The following MAGI2 variants were observed in gnomAD, a reference collection of about 807,000 sequenced individuals.
The protein encoded by MAGI2 is membrane associated guanylate kinase, WW and PDZ domain containing 2.
In MAGI2, 35 loss-of-function variants were observed where a neutral mutation model predicts 133.3. That is an observed-to-expected ratio of 0.26 (90% CI 0.20 to 0.35). The LOEUF (loss-of-function observed/expected upper bound fraction) is 0.35. MAGI2 is among the 10% of genes least tolerant of loss of function. The probability of loss-of-function intolerance (pLI) is 1.00; values close to 1 mark genes in which losing one functional copy is unlikely to be tolerated. For missense variants in MAGI2, 1,636 were observed against 1,863.4 expected (o/e 0.88, Z 2.25); for synonymous variants, 729 against 710.6 (o/e 1.03, Z -0.41).
At chr7:78,849,427 T>C (rs75685903) in intron 2 of MAGI2, among the ~76,000 whole-genome samples, 2,106 of 152,152 alleles carry the variant, frequency 0.014, 55 homozygotes, top group African/African-American at 0.049. Flanking sequence ...TTCACCAGTG[T>C]ACTAAGCAAA....
chr7:78,855,645 T>C (rs947931347), intron 2 of MAGI2, among the ~76,000 whole-genome samples: 8 of 152,326 alleles, frequency 5.3e-5, no homozygotes, highest in African/African-American at 1.7e-4. Context: ...TTCTTAATCC[T>C]GTCTATTACT....
At chr7:78,067,184 A>G (rs1813923095) in intron 21 of MAGI2, among the ~76,000 whole-genome samples, 1 of 152,200 alleles carries the variant, frequency 6.6e-6, no homozygotes, top group South Asian at 2.1e-4. Context: ...AGCCCTGCCA[A>G]GATGCAAGTA....
At chr7:78,456,760 C>T (rs1789363782) in intron 6 of MAGI2, among the ~76,000 whole-genome samples, 2 of 152,138 alleles carry the variant, frequency 1.3e-5, no homozygotes, top group Admixed American at 6.5e-5. Context: ...ATATATTCAA[C>T]CTAGGTTTCA....
intron 1 of MAGI2, among the ~76,000 whole-genome samples, chr7:79,427,413 C>T (rs1847460864): frequency 6.6e-6 from 1 of 151,898 alleles, no homozygotes; most frequent in Non-Finnish European, 1.5e-5. Context: ...AAAAAAGATG[C>T]CATCTATCGA....
intron 1 of MAGI2, among the ~76,000 whole-genome samples, chr7:79,328,222 A>G (rs951596334): frequency 6.6e-6 from 1 of 152,170 alleles, no homozygotes; most frequent in Non-Finnish European, 1.5e-5. Context: ...AAACTTGAAT[A>G]CTGTTTTTCA....
chr7:78,770,170 G>T (rs985956042), intron 2 of MAGI2, among the ~76,000 whole-genome samples: 1 of 152,202 alleles, frequency 6.6e-6, no homozygotes, highest in Non-Finnish European at 1.5e-5. Context: ...TGCACAGCAA[G>T]AAACAAGAGA....
At chr7:78,401,611 T>A (rs76950234) in intron 6 of MAGI2, among the ~76,000 whole-genome samples, 1,691 of 152,252 alleles carry the variant, frequency 0.011, 84 homozygotes, top group East Asian at 0.085. Flanking sequence ...TATTTTTATC[T>A]TTTTAGATTT....
At chr7:79,423,151 A>G (rs1310793665) in intron 1 of MAGI2, among the ~76,000 whole-genome samples, 2 of 152,082 alleles carry the variant, frequency 1.3e-5, no homozygotes, top group Non-Finnish European at 2.9e-5. Flanking sequence ...AAAAGGTAAA[A>G]ATAAATATAC....
chr7:78,242,082 T>C (rs540490981), intron 10 of MAGI2, among the ~76,000 whole-genome samples: 1 of 152,326 alleles, frequency 6.6e-6, no homozygotes, highest in African/African-American at 2.4e-5. Context: ...AACCATTTTT[T>C]AATTCCTGGA....
chr7:79,099,605 T>C (rs1403961815), intron 1 of MAGI2, among the ~76,000 whole-genome samples: 5 of 152,118 alleles, frequency 3.3e-5, no homozygotes, highest in Admixed American at 1.3e-4. Context: ...CAATGGGTAG[T>C]TTTTTCTTCT....
intron 1 of MAGI2, among the ~76,000 whole-genome samples, chr7:79,228,361 A>AAAAAAAAAAAAAAAAAAAAAAAAAAAAG (rs1831054280): frequency 6.8e-6 from 1 of 146,018 alleles, no homozygotes; most frequent in Non-Finnish European, 1.5e-5. Context: ...AGGCAAAAAA[A>AAAAAAAAAAAAAAAAAAAAAAAAAAAAG]AAAAAAAAAG....
At chr7:78,608,655 T>C (rs564711566) in intron 3 of MAGI2, among the ~76,000 whole-genome samples, 1 of 152,256 alleles carries the variant, frequency 6.6e-6, no homozygotes, top group Non-Finnish European at 1.5e-5. Flanking sequence ...GGTATGCCTA[T>C]GTTGATTTAT....
At chr7:78,293,047 C>T (rs1306590306) in intron 9 of MAGI2, among the ~76,000 whole-genome samples, 1 of 152,126 alleles carries the variant, frequency 6.6e-6, no homozygotes. Flanking sequence ...GACTGAAACA[C>T]CAAAAGCAAT....
chr7:79,339,588 C>G (rs28611031), intron 1 of MAGI2, among the ~76,000 whole-genome samples: 9,272 of 151,836 alleles, frequency 0.061, 528 homozygotes, highest in African/African-American at 0.15. Flanking sequence ...TTCTAATCCA[C>G]ACATTTCCTT....
intron 2 of MAGI2, among the ~76,000 whole-genome samples, chr7:78,867,545 G>T (rs575283630): frequency 1.4e-5 from 2 of 142,676 alleles, no homozygotes; most frequent in Non-Finnish European, 1.5e-5. Context: ...CTGCTGTGGC[G>T]TGGGGGGAGG....
chr7:78,649,236 G>GAAAAGAAAAGA (rs1554512646), intron 2 of MAGI2, among the ~76,000 whole-genome samples: 1 of 88,188 alleles, frequency 1.1e-5, no homozygotes, highest in African/African-American at 4.8e-5. Context: ...AAAAAAAAAA[G>GAAAAGAAAAGA]AAAAAAAAAG....
Position 78,876,074 on chromosome 7 carries a change from G to A in MAGI2, c.418+131016C>T, listed in dbSNP as rs140888483. Among the ~76,000 whole-genome samples the A allele has an allele frequency of 8.5e-4, 130 of 152,154 alleles. 2 individuals carry two copies. The East Asian group carries it at 0.021, about 24-fold the overall frequency. On this transcript the variant is annotated intron_variant, in intron 2 of 21. Transcript: ENST00000354212. ...GCAGTGGCTCATGCCTGTAATTCCAGCACCTTGGGAGGCCAAGGCAGGTGG... is the reference window on the plus strand; with the variant it reads ...GCAGTGGCTCATGCCTGTAATTCCAACACCTTGGGAGGCCAAGGCAGGTGG...
At chr7:78,938,329 T>C (rs1481665923) in intron 2 of MAGI2, among the ~76,000 whole-genome samples, 1 of 152,080 alleles carries the variant, frequency 6.6e-6, no homozygotes, top group African/African-American at 2.4e-5. Flanking sequence ...ATATAACGAT[T>C]CAAAGTTGTG....
intron 2 of MAGI2, among the ~76,000 whole-genome samples, chr7:78,761,086 C>A (rs1389103346): frequency 1.3e-5 from 2 of 152,184 alleles, no homozygotes; most frequent in Non-Finnish European, 2.9e-5. Context: ...CCTAAGGAAG[C>A]TGTCCAACTT....
Sources: gnomAD v4.1 joint callset for allele counts (sites outside exome capture counted in the v4.1 genomes callset) on GRCh38, gnomAD v4.1.1 for gene constraint, MANE v1.5 for transcripts, NCBI Gene and HGNC (gene_info 2026-07-23, HGNC 2026-07-21) for gene names.